KCNN2: variants seen among roughly 807,000 people sequenced by gnomAD.
KCNN2 encodes small conductance calcium-activated potassium channel protein 2.
KCNN2 carries 24 observed loss-of-function variants against 55.5 expected under a neutral mutation model. The ratio of observed to expected loss-of-function variants is 0.43; its 90% CI spans 0.31 to 0.61. The LOEUF is 0.61. Ranked by LOEUF, KCNN2 falls within the 20% of genes least tolerant of loss-of-function variation. The pLI, the probability that KCNN2 is intolerant of heterozygous loss-of-function variation, is 0.08. For synonymous variants in KCNN2, 431 were observed against 336.1 expected (o/e 1.28, Z -3.09); for missense variants, 754 against 853.6 (o/e 0.88, Z 1.45).
At chr5:114,266,910 G>T (rs1755217906) in intron 2 of KCNN2, among the ~76,000 whole-genome samples, 1 of 151,766 alleles carries the variant, frequency 6.6e-6, no homozygotes, top group African/African-American at 2.4e-5. Flanking sequence ...AAGATGATGT[G>T]AGAAGTCCAT....
chr5:114,235,626 G>A (rs1047560781), intron 2 of KCNN2, among the ~76,000 whole-genome samples: 1 of 152,044 alleles, frequency 6.6e-6, no homozygotes, highest in Admixed American at 6.6e-5. Flanking sequence ...TATGTTTCTG[G>A]GTGAACAGGT....
intron 1 of KCNN2, among the ~76,000 whole-genome samples, chr5:114,187,901 G>A (rs543248067): frequency 2.6e-4 from 39 of 150,158 alleles, no homozygotes; most frequent in South Asian, 8.4e-4. Flanking sequence ...TGCAACCTCC[G>A]CCTCCTGGGT....
chr5:114,075,784 C>T lies in KCNN2; in HGVS notation c.-271+19284C>T, dbSNP rs541976914. 2.6e-5 allele frequency among the ~76,000 whole-genome samples: 4 copies of T among 152,278 alleles called. No homozygotes were observed. The East Asian group carries it at 7.7e-4, about 29-fold the overall frequency. On this transcript the variant is annotated intron_variant, in intron 1 of 10. Transcript: ENST00000512097. ...CTGGAAAAGTGCTTGCACGCTGGGGCTTGTCTTTTGCTATGCTGCAGACCC... is the reference window on the plus strand; with the variant it reads ...CTGGAAAAGTGCTTGCACGCTGGGGTTTGTCTTTTGCTATGCTGCAGACCC...
intron 1 of KCNN2, among the ~76,000 whole-genome samples, chr5:114,073,137 T>C (rs556073603): frequency 1.3e-5 from 2 of 152,300 alleles, no homozygotes; most frequent in Admixed American, 6.5e-5. Flanking sequence ...GTCAGTGTTA[T>C]CATCTTTGTG....
chr5:114,262,808 G>C (rs115001143), intron 2 of KCNN2, among the ~76,000 whole-genome samples: 1,933 of 152,136 alleles, frequency 0.013, 41 homozygotes, highest in African/African-American at 0.044. Context: ...CTATCAACCA[G>C]CTGTATGACC....
chr5:114,433,559 G>C (rs539702949), intron 3 of KCNN2: 1 of 152,312 alleles, frequency 6.6e-6, no homozygotes, highest in Non-Finnish European at 1.5e-5. Context: ...TTGTTCTTTC[G>C]CTCTTTTGCA....
intron 1 of KCNN2, among the ~76,000 whole-genome samples, chr5:114,154,916 G>C (rs1752598844): frequency 6.6e-6 from 1 of 152,076 alleles, no homozygotes; most frequent in Admixed American, 6.6e-5. Context: ...TTAGTGGGTA[G>C]ATGTACACGT....
intron 2 of KCNN2, among the ~76,000 whole-genome samples, chr5:114,378,728 T>C: frequency 6.7e-6 from 1 of 150,088 alleles, no homozygotes; most frequent in Non-Finnish European, 1.5e-5. Context: ...TAACTTAGTG[T>C]CAGCATCTCA....
chr5:114,254,881 T>G (rs1296732119), intron 2 of KCNN2, among the ~76,000 whole-genome samples: 2 of 152,188 alleles, frequency 1.3e-5, no homozygotes, highest in Admixed American at 6.5e-5. Flanking sequence ...CTAGAAAACC[T>G]GTACATAATT....
intron 2 of KCNN2, among the ~76,000 whole-genome samples, chr5:114,304,847 G>T (rs1240079204): frequency 6.6e-6 from 1 of 152,172 alleles, no homozygotes; most frequent in Admixed American, 6.5e-5. Flanking sequence ...AAAATCCAAT[G>T]ATATCTACCA....
At position 114,404,531 on chromosome 5, in the gene KCNN2, A is replaced by C. The variant is rs762408669; in HGVS notation, c.1312A>C (p.Ile438Leu). ...CTGCTTGGAAATACTGGTGTGTGCT[A>C]TTCATCCCATACCTGGGAATTATAC... ...FICLEILVCA[I>L]HPIPGNYTFT... The change falls in exon 3 of 8, where the codon ATT becomes CTT. Residue 438 changes from isoleucine to leucine, a missense_variant. By Grantham distance (5) the Ile-to-Leu change is conservative (BLOSUM62 2). Transcript: ENST00000673685. 2 of 1,613,542 alleles carry C rather than the reference A, an allele frequency of 1.2e-6. No homozygotes were observed. The highest frequency in any genetic ancestry group is 1.7e-6 in the Non-Finnish European group (2 of 1,179,780).
chr5:114,265,727 T>A lies in KCNN2; in HGVS notation c.-185+44162T>A, dbSNP rs138813237. Among the ~76,000 whole-genome samples the A allele has an allele frequency of 3.7e-3, 566 of 152,322 alleles. 3 individuals are homozygous for A. The highest frequency in any genetic ancestry group is 0.017 in the Middle Eastern group (5 of 294). Reference sequence around the variant, plus strand: ...GTCACCCGCACAGACACAACCAGAATAATGTTTGGCTGAATGTCTGGGCAC... The same window carrying A: ...GTCACCCGCACAGACACAACCAGAAAAATGTTTGGCTGAATGTCTGGGCAC... On this transcript the variant is annotated intron_variant, in intron 2 of 10. Transcript: ENST00000512097.
chr5:114,135,449 C>G (rs921458545), intron 1 of KCNN2, among the ~76,000 whole-genome samples: 1 of 152,184 alleles, frequency 6.6e-6, no homozygotes, highest in African/African-American at 2.4e-5. Context: ...GACCCCCCAA[C>G]CCGACTCCAA....
intron 1 of KCNN2, among the ~76,000 whole-genome samples, chr5:114,194,088 T>G (rs534331750): frequency 6.6e-6 from 1 of 152,172 alleles, no homozygotes; most frequent in Admixed American, 6.5e-5. Flanking sequence ...TCACTTAGGT[T>G]TTTTCTACTT....
At chr5:114,065,069 G>A (rs1206392087) in intron 1 of KCNN2, among the ~76,000 whole-genome samples, 5 of 152,154 alleles carry the variant, frequency 3.3e-5, no homozygotes, top group Non-Finnish European at 5.9e-5. Flanking sequence ...AAGCTGGGAT[G>A]GATACACTAT....
intron 1 of KCNN2, among the ~76,000 whole-genome samples, chr5:114,102,284 G>GT (rs961878283): frequency 0.019 from 2,855 of 147,032 alleles, 104 homozygotes; most frequent in African/African-American, 0.066. Flanking sequence ...GGAGTTGTTT[G>GT]TTTTTTTTTT....
Position 114,496,327 on chromosome 5 carries a change from G to A in KCNN2, c.*145G>A, listed in dbSNP as rs1391314369. On this transcript the variant is annotated 3_prime_UTR_variant, in exon 8 of 8. Transcript: ENST00000673685. ...TGGGAACCTGAACACTAAGTTTTAG[G>A]CCAAAATGAGTGAAAACTCTTTTTT... is the stretch of plus-strand genomic sequence containing the variant. The A allele has an allele frequency of 3.7e-6, 3 of 810,310 alleles. No individual in the cohort carries two copies. The highest frequency in any genetic ancestry group is 1.7e-5 in the African/African-American group (1 of 57,702). 50.2% of individuals were successfully genotyped at this position (810,310 alleles called of 1,614,324 possible).
chr5:114,467,299 T>C (rs761315310), intron 4 of KCNN2, among the ~76,000 whole-genome samples: 4 of 152,228 alleles, frequency 2.6e-5, no homozygotes, highest in Non-Finnish European at 5.9e-5. Flanking sequence ...TAACACTCTC[T>C]GTTTCCATTT....
At chr5:114,119,444 T>C (rs1751783237) in intron 1 of KCNN2, among the ~76,000 whole-genome samples, 1 of 152,248 alleles carries the variant, frequency 6.6e-6, no homozygotes, top group Non-Finnish European at 1.5e-5. Context: ...AGAACATGAA[T>C]TTATGCACAC....
Sources: gnomAD v4.1 joint callset for allele counts (sites outside exome capture counted in the v4.1 genomes callset) on GRCh38, gnomAD v4.1.1 for gene constraint, MANE v1.5 for transcripts, NCBI Gene and HGNC (gene_info 2026-07-23, HGNC 2026-07-21) for gene names.